TLCD4: variants seen among roughly 807,000 people sequenced by gnomAD.
The protein encoded by TLCD4 is TLC domain-containing protein 4.
Under a neutral mutation model 24.2 loss-of-function variants are expected in TLCD4, and 7 were observed. That is an observed-to-expected ratio of 0.29 (90% CI 0.16 to 0.54). The LOEUF (loss-of-function observed/expected upper bound fraction) is 0.54. Ranked by LOEUF, TLCD4 falls within the 20% of genes least tolerant of loss-of-function variation. The pLI, the probability that TLCD4 is intolerant of heterozygous loss-of-function variation, is 0.95. For synonymous variants in TLCD4, 103 were observed against 106.4 expected (o/e 0.97, Z 0.20); for missense variants, 259 against 313.9 (o/e 0.82, Z 1.32).
the TLCD4 span, among the ~76,000 whole-genome samples, chr1:95,111,683 A>G: frequency 6.6e-6 from 1 of 152,204 alleles, no homozygotes; most frequent in African/African-American, 2.4e-5. Flanking sequence ...TTAGCACTTG[A>G]TGGTGCAGTG....
At chr1:95,160,132 A>G in intron 5 of TLCD4, among the ~76,000 whole-genome samples, 1 of 152,276 alleles carries the variant, frequency 6.6e-6, no homozygotes, top group African/African-American at 2.4e-5. Context: ...TTCTTCCTAC[A>G]CATGAGCATG....
At chr1:95,132,706 G>A (rs1047964985) in intron 1 of TLCD4, among the ~76,000 whole-genome samples, 8 of 152,166 alleles carry the variant, frequency 5.3e-5, no homozygotes, top group African/African-American at 1.7e-4. Flanking sequence ...ATTTTTCTAC[G>A]TTTAAGTGGT....
At chr1:95,120,054 C>T (rs1368258769) in intron 1 of TLCD4, 6 of 152,164 alleles carry the variant, frequency 3.9e-5, no homozygotes, top group Non-Finnish European at 5.9e-5. Flanking sequence ...CTTGTGCCCT[C>T]GTCCTTGAGA....
At chr1:95,125,802 G>A (rs1169606892) in intron 1 of TLCD4, among the ~76,000 whole-genome samples, 1 of 152,138 alleles carries the variant, frequency 6.6e-6, no homozygotes, top group East Asian at 1.9e-4. Context: ...TAATATTCCT[G>A]TATGATTTGG....
At chr1:95,128,972 G>A (rs1676815562) in intron 1 of TLCD4, among the ~76,000 whole-genome samples, 1 of 152,172 alleles carries the variant, frequency 6.6e-6, no homozygotes, top group Non-Finnish European at 1.5e-5. Context: ...AGCAAGGTGG[G>A]GCCACCCCCA....
At chr1:95,149,357 C>T (rs553864982) in intron 3 of TLCD4, among the ~76,000 whole-genome samples, 2 of 152,208 alleles carry the variant, frequency 1.3e-5, no homozygotes, top group Admixed American at 1.3e-4. Context: ...ATTTTGCAAA[C>T]TGTTTCCTGG....
At chr1:95,187,572 C>G (rs556268268) in intron 6 of TLCD4, among the ~76,000 whole-genome samples, 1 of 152,228 alleles carries the variant, frequency 6.6e-6, no homozygotes, top group South Asian at 2.1e-4. Context: ...TCATTCTCAT[C>G]ACACATATTA....
At chr1:95,175,568 G>T (rs1476455167) in intron 6 of TLCD4, among the ~76,000 whole-genome samples, 1 of 152,108 alleles carries the variant, frequency 6.6e-6, no homozygotes, top group Non-Finnish European at 1.5e-5. Context: ...GGGATTGCTG[G>T]ATCATATGAT....
chr1:95,158,260 T>G (rs577548247), intron 5 of TLCD4, among the ~76,000 whole-genome samples: 112 of 149,548 alleles, frequency 7.5e-4, no homozygotes, highest in African/African-American at 2.6e-3. Context: ...CTGTCAGGGC[T>G]CACTGCAGCC....
chr1:95,137,010 G>C (rs952102749), intron 1 of TLCD4, among the ~76,000 whole-genome samples: 1 of 152,172 alleles, frequency 6.6e-6, no homozygotes. Context: ...TACATGGCGG[G>C]TGGTGAAATC....
intron 6 of TLCD4, among the ~76,000 whole-genome samples, chr1:95,182,731 A>AGGG (rs1433696068): frequency 6.6e-6 from 1 of 152,208 alleles, no homozygotes; most frequent in Non-Finnish European, 1.5e-5. Context: ...AAAAGGACTC[A>AGGG]GGGGTCCATA....
At chr1:95,174,751 T>A (rs1443941398) in intron 6 of TLCD4, among the ~76,000 whole-genome samples, 1 of 152,058 alleles carries the variant, frequency 6.6e-6, no homozygotes, top group Non-Finnish European at 1.5e-5. Context: ...AACTAACAAT[T>A]TGTAATATTG....
upstream of TLCD4, among the ~76,000 whole-genome samples, chr1:95,113,877 G>A (rs1571714079): frequency 6.6e-6 from 1 of 152,020 alleles, no homozygotes; most frequent in African/African-American, 2.4e-5. Context: ...GGGAGTTAGA[G>A]GCTGTCATGT....
intron 1 of TLCD4, among the ~76,000 whole-genome samples, chr1:95,133,560 T>C (rs1436612277): frequency 1.3e-5 from 2 of 152,118 alleles, no homozygotes; most frequent in Non-Finnish European, 2.9e-5. Context: ...GTATAGTTGG[T>C]AGTGTGGGAT....
intron 6 of TLCD4, among the ~76,000 whole-genome samples, chr1:95,187,575 A>G (rs2101021218): frequency 6.6e-6 from 1 of 152,204 alleles, no homozygotes; most frequent in Non-Finnish European, 1.5e-5. Context: ...TTCTCATCAC[A>G]CATATTAGGA....
rs1211497428 is a variant in TLCD4 at position 95,144,085 on chromosome 1, C to A, written c.155+29C>A. 8 of 1,374,218 alleles carry A rather than the reference C, an allele frequency of 5.8e-6. No individual in the cohort carries two copies. In the East Asian group the frequency reaches 1.6e-4, roughly 28 times the overall value. 85.1% of individuals were successfully genotyped at this position (1,374,218 alleles called of 1,614,324 possible). A position where few individuals can be genotyped will look rare whatever the true frequency, so the allele number is the denominator to read the frequency against. ...AAGCATATGAAAATGTAATTGATGA[C>A]AAGAAACTAGTTTATGAGATAAAAT... On this transcript the variant is annotated intron_variant, in intron 2 of 6. Transcript: ENST00000370203.
intron 5 of TLCD4, 36 bp from the exon 6 acceptor site, chr1:95,173,780 T>G: frequency 6.2e-7 from 1 of 1,613,146 alleles, no homozygotes; most frequent in Non-Finnish European, 8.5e-7. Context: ...GTTAAGAATG[T>G]TATCCTTGAC....
chr1:95,119,917 C>T (rs1325614774), intron 1 of TLCD4, among the ~76,000 whole-genome samples: 2 of 150,680 alleles, frequency 1.3e-5, no homozygotes, highest in African/African-American at 2.4e-5. Context: ...GTAAACTGAA[C>T]AGTCTACACT....
chr1:95,155,448 G>A lies in TLCD4; in HGVS notation c.399+4029G>A, dbSNP rs139909392. The stretch of plus-strand genomic sequence containing the variant: ...TACCAACAATAAAGTATCAGAATTT[G>A]TAATTATTTAAAAATATTATAGAAA... On this transcript the variant is annotated intron_variant, in intron 5 of 6. Transcript: ENST00000370203. 2.4e-4 allele frequency among the ~76,000 whole-genome samples: 37 copies of A among 152,212 alleles called. 1 individual carries two copies. In the East Asian group the frequency reaches 6.6e-3, roughly 27 times the overall value.
Sources: allele counts gnomAD v4.1 joint callset (sites outside exome capture counted in the v4.1 genomes callset), GRCh38; gene constraint gnomAD v4.1.1; transcripts MANE v1.5; gene names NCBI Gene and HGNC (gene_info 2026-07-23, HGNC 2026-07-21).